TMEM117: variants seen among roughly 807,000 people sequenced by gnomAD.
The protein encoded by TMEM117 is transmembrane protein 117.
A neutral mutation model predicts 52.4 loss-of-function variants in TMEM117; 27 were observed. The ratio of observed to expected loss-of-function variants is 0.51; its 90% CI spans 0.38 to 0.71. The LOEUF (loss-of-function observed/expected upper bound fraction) is 0.71. Ranked by LOEUF, TMEM117 falls within the 30% of genes least tolerant of loss-of-function variation. TMEM117 has a pLI of 0.00. For synonymous variants in TMEM117, 215 were observed against 206.3 expected, an observed-to-expected ratio of 1.04 and a Z score of -0.36; for missense variants, 556 against 630.5, an observed-to-expected ratio of 0.88 and a Z score of 1.26.
At chr12:44,228,822 A>C (rs1949897333) in intron 5 of TMEM117, among the ~76,000 whole-genome samples, 1 of 152,190 alleles carries the variant, frequency 6.6e-6, no homozygotes, top group Admixed American at 6.6e-5. Flanking sequence ...TGGTCAGTCC[A>C]AGAAGTAGTG....
chr12:43,811,141 T>C, the TMEM117 span, among the ~76,000 whole-genome samples: 3 of 152,250 alleles, frequency 2.0e-5, no homozygotes, highest in Non-Finnish European at 4.4e-5. Flanking sequence ...TTCACATTTC[T>C]ACTTCCTTTG....
intron 3 of TMEM117, among the ~76,000 whole-genome samples, chr12:44,046,998 C>T (rs928514838): frequency 6.6e-6 from 1 of 151,994 alleles, no homozygotes; most frequent in Admixed American, 6.5e-5. Flanking sequence ...CAAGTTGACA[C>T]GGGGGTGAAC....
chr12:43,916,614 C>T (rs538290374), intron 2 of TMEM117, among the ~76,000 whole-genome samples: 2 of 152,226 alleles, frequency 1.3e-5, no homozygotes, highest in South Asian at 2.1e-4. Flanking sequence ...CTGATGTGAA[C>T]GTCTTAGTCC....
intron 5 of TMEM117, among the ~76,000 whole-genome samples, chr12:44,229,030 A>G (rs1444070149): frequency 1.3e-5 from 2 of 152,056 alleles, no homozygotes; most frequent in African/African-American, 4.8e-5. Context: ...ACAGGTGGAG[A>G]GATGTACATA....
intron 5 of TMEM117, among the ~76,000 whole-genome samples, chr12:44,254,616 C>T (rs921671236): frequency 2.0e-5 from 3 of 151,642 alleles, no homozygotes; most frequent in African/African-American, 4.8e-5. Flanking sequence ...AGTAATTATT[C>T]TGCTTCTAGG....
At chr12:43,920,732 A>C (rs1806452258) in intron 2 of TMEM117, among the ~76,000 whole-genome samples, 1 of 151,972 alleles carries the variant, frequency 6.6e-6, no homozygotes, top group Admixed American at 6.6e-5. Context: ...ATTGCTTTTT[A>C]CTGTACTATT....
chr12:43,908,751 G>A (rs1013962944), intron 2 of TMEM117, among the ~76,000 whole-genome samples: 6 of 151,932 alleles, frequency 3.9e-5, no homozygotes, highest in Admixed American at 3.9e-4. Flanking sequence ...AGACAAAGAA[G>A]GCCATTACTT....
the TMEM117 span, among the ~76,000 whole-genome samples, chr12:43,819,044 A>G: frequency 6.6e-6 from 1 of 152,204 alleles, no homozygotes; most frequent in African/African-American, 2.4e-5. Context: ...ATAAGAAACT[A>G]AAGATACAGA....
intron 2 of TMEM117, among the ~76,000 whole-genome samples, chr12:43,915,356 G>A (rs771585001): frequency 1.3e-5 from 2 of 152,176 alleles, no homozygotes; most frequent in African/African-American, 4.8e-5. Flanking sequence ...TGTGGATCTT[G>A]GGCTTCCTGT....
rs1349053120 is a variant in TMEM117 at position 44,388,643 on chromosome 12, A to G, written c.1516A>G (p.Thr506Ala). ...TSATEADQDPTTSKSTPTN is the reference protein window; with the variant it reads ...TSATEADQDPATSKSTPTN ...TGCAACAGAAGCTGATCAAGACCCA[A>G]CGACTTCTAAAAGTACACCTACGAA... The change falls in exon 8 of 8, where the codon ACG becomes GCG. Residue 506 changes from threonine to alanine, a missense_variant. Coordinates refer to ENST00000266534, the MANE Select transcript of TMEM117 (RefSeq NM_032256.3). 1.4e-5 allele frequency: 23 copies of G among 1,613,284 alleles called. No individual in the cohort carries two copies. Among genetic ancestry groups the G allele is most frequent in the Middle Eastern group, 1.7e-4 (1 of 6,050 alleles).
chr12:44,339,889 AG>A (rs992772283), intron 6 of TMEM117, among the ~76,000 whole-genome samples: 1 of 151,930 alleles, frequency 6.6e-6, no homozygotes, highest in African/African-American at 2.4e-5. Flanking sequence ...CAAATCAAGA[AG>A]TGTTTTCCGA....
At position 44,090,841 on chromosome 12, in the gene TMEM117, T is replaced by G. The variant is rs578158678; in HGVS notation, c.411-52684T>G. ...AATTCTTAATCCTGTATTTATGTGT[T>G]TTTTTTTGTTTTTTTTTTTTTTTTG... On this transcript the variant is annotated intron_variant, in intron 3 of 7. Transcript: ENST00000266534. 4.2e-5 allele frequency among the ~76,000 whole-genome samples: 5 copies of G among 118,828 alleles called. No homozygotes were observed. The South Asian group carries it at 7.1e-4, about 17-fold the overall frequency. 78.0% of individuals were successfully genotyped at this position (118,828 alleles called of 152,430 possible). A position where few individuals can be genotyped will look rare whatever the true frequency, so the allele number is the denominator to read the frequency against.
intron 2 of TMEM117, among the ~76,000 whole-genome samples, chr12:43,859,259 CAAG>C (rs1943448248): frequency 6.6e-6 from 1 of 152,110 alleles, no homozygotes; most frequent in Non-Finnish European, 1.5e-5. Flanking sequence ...GGAGAAGTGG[CAAG>C]CGCAAAGTTG....
intron 3 of TMEM117, among the ~76,000 whole-genome samples, chr12:44,064,508 G>A (rs185309838): frequency 5.9e-5 from 9 of 152,262 alleles, no homozygotes; most frequent in South Asian, 4.1e-4. Context: ...CTCTTTGAAG[G>A]AGTGTGTGTG....
At chr12:43,947,953 A>G (rs1481726334) in intron 3 of TMEM117, among the ~76,000 whole-genome samples, 1 of 152,156 alleles carries the variant, frequency 6.6e-6, no homozygotes. Context: ...TATAAATTTA[A>G]TCTAAACTGG....
intron 3 of TMEM117, among the ~76,000 whole-genome samples, chr12:44,124,101 T>C (rs966535430): frequency 6.6e-6 from 1 of 152,112 alleles, no homozygotes; most frequent in Non-Finnish European, 1.5e-5. Flanking sequence ...TGTGGTTCTC[T>C]GTGAAGATGT....
intron 6 of TMEM117, among the ~76,000 whole-genome samples, chr12:44,302,990 G>A (rs920674902): frequency 2.6e-5 from 4 of 151,788 alleles, no homozygotes; most frequent in Non-Finnish European, 5.9e-5. Context: ...GAAAGCAGTC[G>A]ATCCTAGGTT....
At chr12:43,938,853 A>G (rs2137600733) in intron 2 of TMEM117, among the ~76,000 whole-genome samples, 1 of 152,110 alleles carries the variant, frequency 6.6e-6, no homozygotes, top group Non-Finnish European at 1.5e-5. Flanking sequence ...TACAAAAATT[A>G]GCCAGGCACG....
At chr12:44,243,700 T>A (rs1480361391) in intron 5 of TMEM117, among the ~76,000 whole-genome samples, 2 of 151,938 alleles carry the variant, frequency 1.3e-5, no homozygotes, top group African/African-American at 2.4e-5. Context: ...GTCACTGTGC[T>A]GTGCCATTCT....
Sources: allele counts gnomAD v4.1 joint callset (sites outside exome capture counted in the v4.1 genomes callset), GRCh38; gene constraint gnomAD v4.1.1; transcripts MANE v1.5; gene names NCBI Gene and HGNC (gene_info 2026-07-23, HGNC 2026-07-21).